Variants in KRT80 observed in about 807,000 individuals in gnomAD.
The protein encoded by KRT80 is keratin, type II cytoskeletal 80.
A neutral mutation model predicts 51.5 loss-of-function variants in KRT80; 36 were observed. The ratio of observed to expected loss-of-function variants is 0.70; its 90% confidence interval spans 0.54 to 0.92. The LOEUF (loss-of-function observed/expected upper bound fraction) is 0.92. KRT80 is among the 40% of genes least tolerant of loss of function. The pLI is 0.00. For missense variants in KRT80, 566 were observed against 591.7 expected (o/e 0.96, Z 0.45); for synonymous variants, 235 against 248.3 (o/e 0.95, Z 0.50).
chr12:52,172,508 G>GT, intron 6 of KRT80, 90 bp from the exon 7 acceptor site: 3 of 1,208,238 alleles, frequency 2.5e-6, no homozygotes, highest in Non-Finnish European at 3.5e-6. Flanking sequence ...CTTGGTGGGG[G>GT]TAGGTGTGGG....
chr12:52,179,751 G>A (rs1304023349), intron 4 of KRT80, among the ~76,000 whole-genome samples: 2 of 152,246 alleles, frequency 1.3e-5, no homozygotes, highest in Non-Finnish European at 1.5e-5. Flanking sequence ...AGGCGGGCAA[G>A]CCCTGTTATC....
Position 52,171,489 on chromosome 12 carries a change from G to C in KRT80, c.1268C>G (p.Ser423Cys). Residue 423 changes from serine (S) to cysteine (C), a missense_variant, in exon 9 of 9, where the codon TCC becomes TGC. Coordinates refer to ENST00000394815, the MANE Select transcript of KRT80 (RefSeq NM_182507.3). The stretch of plus-strand genomic sequence containing the variant: ...GCCTTTGCTGCCCTTCTTCTTTCGG[G>C]AGGGGGCCTTGGAGAGGCCTGATCT... ...ASRSGLSKAP[S>C]RKKKGSKGPV... is the part of the protein sequence containing the mutation. The C allele has an allele frequency of 6.2e-7, 1 of 1,613,128 alleles. No individual in the cohort carries two copies. Among genetic ancestry groups the C allele is most frequent in the Non-Finnish European group, 8.5e-7 (1 of 1,179,546 alleles).
At chr12:52,188,968 C>A (rs914290205) in intron 1 of KRT80, among the ~76,000 whole-genome samples, 1 of 152,206 alleles carries the variant, frequency 6.6e-6, no homozygotes, top group Non-Finnish European at 1.5e-5. Flanking sequence ...GAGCTCAGGA[C>A]CACCGGCAGA....
chr12:52,173,247 C>T, intron 5 of KRT80, 84 bp from the exon 6 acceptor site: 1 of 1,421,490 alleles, frequency 7.0e-7, no homozygotes, highest in Non-Finnish European at 9.2e-7. Context: ...TTCTTGCATC[C>T]TCCAGTCCCA....
intron 2 of KRT80, among the ~76,000 whole-genome samples, chr12:52,184,232 C>T (rs1940432061): frequency 6.6e-6 from 1 of 152,138 alleles, no homozygotes; most frequent in Non-Finnish European, 1.5e-5. Context: ...GAGGGGAGAC[C>T]AAGGGTTCAG....
At chr12:52,175,973 G>T (rs376657249) in intron 4 of KRT80, among the ~76,000 whole-genome samples, 3 of 152,070 alleles carry the variant, frequency 2.0e-5, no homozygotes, top group African/African-American at 7.2e-5. Context: ...GGGTGTGGGG[G>T]GCCTCAGAGC....
chr12:52,173,200 A>G (rs1369163249), intron 5 of KRT80, 37 bp from the exon 6 acceptor site: 1 of 1,560,150 alleles, frequency 6.4e-7, no homozygotes, highest in African/African-American at 1.4e-5. Context: ...GGGGCAGCTC[A>G]GTGCCGCTCC....
At chr12:52,173,194 C>A in intron 5 of KRT80, 31 bp from the exon 6 acceptor site, 1 of 1,575,504 alleles carries the variant, frequency 6.3e-7, no homozygotes, top group Non-Finnish European at 8.6e-7. Context: ...CAGTGAGGGG[C>A]AGCTCAGTGC....
intron 4 of KRT80, among the ~76,000 whole-genome samples, chr12:52,174,942 C>A (rs1941194144): frequency 6.6e-6 from 1 of 152,086 alleles, no homozygotes; most frequent in Non-Finnish European, 1.5e-5. Context: ...GAAGGAGGAG[C>A]AAGGCGAGTC....
At chr12:52,179,528 C>T (rs1941287645) in intron 4 of KRT80, among the ~76,000 whole-genome samples, 2 of 152,216 alleles carry the variant, frequency 1.3e-5, no homozygotes, top group South Asian at 4.1e-4. Context: ...TCCACGGAGG[C>T]CCCAGCTGGC....
Position 52,191,651 on chromosome 12 carries a change from C to A in KRT80, c.252G>T (p.Lys84Asn), listed in dbSNP as rs534977635. The change falls in exon 1 of 9, where the codon AAG becomes AAT. Residue 84 changes from lysine (K) to asparagine (N), a missense_variant. Physicochemically the swap from Lys to Asn is moderately conservative, Grantham distance 94. Coordinates refer to ENST00000394815, the MANE Select transcript of KRT80 (RefSeq NM_182507.3). ...PAVQQLKNQE[K>N]EEMKALNDKF... The stretch of plus-strand genomic sequence containing the variant: ...TATCATTGAGGGCCTTCATCTCCTC[C>A]TTCTCCTGGTTCTTCAGCTGCTGAA... 1.2e-6 allele frequency: 2 copies of A among 1,610,388 alleles called. No individual in the cohort carries two copies. Among genetic ancestry groups the A allele is most frequent in the Non-Finnish European group, 1.7e-6 (2 of 1,177,538 alleles).
intron 4 of KRT80, among the ~76,000 whole-genome samples, chr12:52,174,140 G>A (rs1313749336): frequency 1.3e-5 from 2 of 152,218 alleles, no homozygotes; most frequent in African/African-American, 4.8e-5. Context: ...CTGTGAGTTG[G>A]GCCCCTCTGT....
intron 2 of KRT80, among the ~76,000 whole-genome samples, chr12:52,181,705 C>G (rs1941323818): frequency 6.6e-6 from 1 of 152,234 alleles, no homozygotes; most frequent in African/African-American, 2.4e-5. Flanking sequence ...CTCGCTCCCA[C>G]CTTGGGTTTG....
At chr12:52,186,053 C>G (rs55829011) in intron 1 of KRT80, among the ~76,000 whole-genome samples, 16,270 of 151,972 alleles carry the variant, frequency 0.11, 1,138 homozygotes, top group South Asian at 0.24. Context: ...CTCATCCTCT[C>G]GATGACAGAG....
chr12:52,188,163 G>C (rs1047332278), intron 1 of KRT80, among the ~76,000 whole-genome samples: 8 of 152,132 alleles, frequency 5.3e-5, no homozygotes, highest in Non-Finnish European at 1.2e-4. Context: ...CCTGGGGAGG[G>C]CTCATAATCC....
chr12:52,176,105 A>T (rs1941216198), intron 4 of KRT80, among the ~76,000 whole-genome samples: 1 of 152,226 alleles, frequency 6.6e-6, no homozygotes, highest in Non-Finnish European at 1.5e-5. Flanking sequence ...GACTGGCCAG[A>T]CATTTTCTGG....
chr12:52,190,200 C>T lies in KRT80; in HGVS notation c.300+1403G>A, dbSNP rs117329763. ...GGATGATGAAACTCTGGTCTAGGCA[C>T]ATGAATGGAAGAAGGAAAGAAAAGA... On this transcript the variant is annotated intron_variant, in intron 1 of 8. Transcript: ENST00000394815. Among the ~76,000 whole-genome samples, 62 of 152,312 alleles carry T rather than the reference C, an allele frequency of 4.1e-4. No homozygotes were observed. In the East Asian group the frequency reaches 0.012, roughly 29 times the overall value.
chr12:52,176,006 G>A (rs1941213394), intron 4 of KRT80, among the ~76,000 whole-genome samples: 2 of 152,160 alleles, frequency 1.3e-5, no homozygotes, highest in Admixed American at 6.5e-5. Flanking sequence ...TTCTACAGGA[G>A]GGCCTAACTT....
chr12:52,180,572 C>G lies in KRT80; in HGVS notation c.607G>C (p.Glu203Gln), dbSNP rs777859537. 3.3e-6 allele frequency: 5 copies of G among 1,492,636 alleles called. No individual in the cohort carries two copies. In the Admixed American group the frequency reaches 9.7e-5, roughly 29 times the overall value. The allele number at this position is 1,492,636 out of a possible 1,614,324, so 92.5% of individuals were successfully genotyped here. A position where few individuals can be genotyped will look rare whatever the true frequency, so the allele number is the denominator to read the frequency against. The stretch of plus-strand genomic sequence containing the variant: ...CTCTCCAGGCTTTTTAACTTGGTTT[C>G]CAGTTCAGTCCGATGAAGACACTCT... ...DAECLHRTEL[E>Q]TKLKSLESFV... Residue 203 changes from glutamate to glutamine, a missense_variant, in exon 4 of 9, where the codon GAA becomes CAA. By Grantham distance (29) the Glu-to-Gln change is conservative. Transcript: ENST00000394815.
Sources: allele counts gnomAD v4.1 joint callset (sites outside exome capture counted in the v4.1 genomes callset), GRCh38; gene constraint gnomAD v4.1.1; transcripts MANE v1.5; gene names NCBI Gene and HGNC (gene_info 2026-07-23, HGNC 2026-07-21).